Variants in GFRAL observed in about 807,000 individuals in gnomAD.
GFRAL encodes GDNF family receptor alpha like.
Under a neutral mutation model 45.4 loss-of-function variants are expected in GFRAL, and 36 were observed. That is an observed-to-expected ratio of 0.79 (90% confidence interval 0.61 to 1.05). The LOEUF (loss-of-function observed/expected upper bound fraction) is 1.05, where lower values mean the gene tolerates loss of function less well. Among genes scored for constraint, GFRAL ranks in the 50% least tolerant of loss-of-function variants. The pLI, the probability that GFRAL is intolerant of heterozygous loss-of-function variation, is 0.00. For missense variants in GFRAL, 507 were observed against 467.5 expected (o/e 1.08, Z -0.78); for synonymous variants, 166 against 154.1 (o/e 1.08, Z -0.57).
intron 5 of GFRAL, among the ~76,000 whole-genome samples, chr6:55,352,836 T>G (rs1768135620): frequency 6.6e-6 from 1 of 152,040 alleles, no homozygotes; most frequent in South Asian, 2.1e-4. Flanking sequence ...AGTCGTTTAT[T>G]TATTAATTCA....
intron 4 of GFRAL, among the ~76,000 whole-genome samples, chr6:55,350,914 A>T (rs1162528097): frequency 6.6e-6 from 1 of 152,130 alleles, no homozygotes; most frequent in Non-Finnish European, 1.5e-5. Flanking sequence ...TGAGCTAACC[A>T]TAAGCTACAT....
At chr6:55,377,278 G>T (rs1227909855) in intron 6 of GFRAL, among the ~76,000 whole-genome samples, 1 of 151,944 alleles carries the variant, frequency 6.6e-6, no homozygotes, top group Non-Finnish European at 1.5e-5. Flanking sequence ...CTACTTCAAG[G>T]TGTCAATTTT....
chr6:55,362,496 C>A (rs1451906265), intron 6 of GFRAL, among the ~76,000 whole-genome samples: 1 of 151,926 alleles, frequency 6.6e-6, no homozygotes, highest in Admixed American at 6.6e-5. Context: ...CTCCACTTAC[C>A]TACTAACCTA....
intron 6 of GFRAL, among the ~76,000 whole-genome samples, chr6:55,394,174 T>G (rs948076555): frequency 2.6e-5 from 4 of 152,188 alleles, no homozygotes; most frequent in Non-Finnish European, 5.9e-5. Context: ...GAAGTAAGTA[T>G]AGTAAGAGGA....
chr6:55,339,385 A>C (rs1315600094), intron 3 of GFRAL, among the ~76,000 whole-genome samples: 1 of 152,188 alleles, frequency 6.6e-6, no homozygotes, highest in Non-Finnish European at 1.5e-5. Context: ...GTAAAGGAGC[A>C]TGCCTCATCA....
At chr6:55,347,793 A>G (rs558681850) in intron 3 of GFRAL, among the ~76,000 whole-genome samples, 2 of 152,038 alleles carry the variant, frequency 1.3e-5, no homozygotes. Context: ...TCTTGCTTCC[A>G]TGGGTGATTC....
chr6:55,391,608 G>T (rs1312495719), intron 6 of GFRAL, among the ~76,000 whole-genome samples: 3 of 152,030 alleles, frequency 2.0e-5, no homozygotes, highest in Non-Finnish European at 2.9e-5. Flanking sequence ...AAATTAGTAG[G>T]GCATGGTGAC....
chr6:55,380,773 G>T lies in GFRAL; in HGVS notation c.953-18407G>T, dbSNP rs552222553. 2.0e-5 allele frequency among the ~76,000 whole-genome samples: 3 copies of T among 152,098 alleles called. No individual in the cohort carries two copies. The South Asian group carries it at 6.2e-4, about 31-fold the overall frequency. On this transcript the variant is annotated intron_variant, in intron 6 of 8. Coordinates refer to ENST00000340465, the MANE Select transcript of GFRAL (RefSeq NM_207410.2). Reference sequence around the variant, plus strand: ...GCCACTCAATAAGTAGTGAATGAATGAATGAGTAAATGAATGAAAGTCAAC... The same window carrying T: ...GCCACTCAATAAGTAGTGAATGAATTAATGAGTAAATGAATGAAAGTCAAC...
chr6:55,337,415 C>A (rs1767905689), intron 3 of GFRAL, among the ~76,000 whole-genome samples: 1 of 152,114 alleles, frequency 6.6e-6, no homozygotes, highest in East Asian at 1.9e-4. Flanking sequence ...GTTATGCTGG[C>A]CTGTAAAATC....
intron 6 of GFRAL, among the ~76,000 whole-genome samples, chr6:55,379,551 A>G (rs1026884418): frequency 5.8e-5 from 8 of 136,922 alleles, no homozygotes; most frequent in South Asian, 5.0e-4. Flanking sequence ...TGTATTTACC[A>G]TATGCAAGAT....
intron 5 of GFRAL, among the ~76,000 whole-genome samples, chr6:55,357,802 TAGA>T (rs1309901986): frequency 6.6e-6 from 1 of 151,760 alleles, no homozygotes; most frequent in Non-Finnish European, 1.5e-5. Context: ...TATGTATAAG[TAGA>T]TAAACCATGC....
chr6:55,384,046 C>G (rs1254373307), intron 6 of GFRAL, among the ~76,000 whole-genome samples: 3 of 152,056 alleles, frequency 2.0e-5, no homozygotes, highest in African/African-American at 7.2e-5. Flanking sequence ...AACAAAAGAT[C>G]TCACTCATAA....
chr6:55,344,768 A>G (rs576608518), intron 3 of GFRAL, among the ~76,000 whole-genome samples: 65 of 152,328 alleles, frequency 4.3e-4, no homozygotes, highest in African/African-American at 1.5e-3. Flanking sequence ...TTTGCAGATG[A>G]CATGACTGTA....
chr6:55,363,189 C>G (rs1768301336), intron 6 of GFRAL, among the ~76,000 whole-genome samples: 1 of 151,788 alleles, frequency 6.6e-6, no homozygotes. Context: ...AGAAATAATC[C>G]CATTCTCAAG....
At chr6:55,331,138 G>C (rs1487415790) in intron 1 of GFRAL, among the ~76,000 whole-genome samples, 1 of 152,086 alleles carries the variant, frequency 6.6e-6, no homozygotes, top group Non-Finnish European at 1.5e-5. Context: ...TAACATTTTA[G>C]TTCAAACCAT....
chr6:55,334,063 G>T, intron 3 of GFRAL, 119 bp downstream of exon 3: 2 of 695,852 alleles, frequency 2.9e-6, no homozygotes, highest in Admixed American at 3.3e-5. Context: ...TCTTTTCAAA[G>T]CTTTATTATT....
At chr6:55,392,674 CT>C (rs1330555371) in intron 6 of GFRAL, among the ~76,000 whole-genome samples, 5 of 151,902 alleles carry the variant, frequency 3.3e-5, no homozygotes, top group Admixed American at 6.6e-5. Flanking sequence ...GAAAAGTTTG[CT>C]TGAACACATG....
intron 2 of GFRAL, 103 bp from the exon 3 acceptor site, chr6:55,333,683 A>T: frequency 1.9e-5 from 8 of 427,382 alleles, no homozygotes; most frequent in Non-Finnish European, 3.3e-5. Context: ...ATCTTACCAT[A>T]TTAATTAATT....
At chr6:55,360,608 A>G (rs894482441) in intron 6 of GFRAL, among the ~76,000 whole-genome samples, 9 of 152,028 alleles carry the variant, frequency 5.9e-5, no homozygotes, top group Admixed American at 2.0e-4. Flanking sequence ...CACAATTTCT[A>G]TAATTAACAC....
Sources: gnomAD v4.1 joint callset for allele counts (sites outside exome capture counted in the v4.1 genomes callset) on GRCh38, gnomAD v4.1.1 for gene constraint, MANE v1.5 for transcripts, NCBI Gene and HGNC (gene_info 2026-07-23, HGNC 2026-07-21) for gene names.